SIRT1: variants seen among roughly 807,000 people sequenced by gnomAD.
The protein encoded by SIRT1 is NAD-dependent protein deacetylase sirtuin-1.
Under a neutral mutation model 67.9 loss-of-function variants are expected in SIRT1, and 24 were observed. That is an observed-to-expected ratio of 0.35 (90% CI 0.26 to 0.50). The LOEUF (loss-of-function observed/expected upper bound fraction) is 0.50. SIRT1 is among the 20% of genes least tolerant of loss of function. SIRT1 has a pLI of 0.98. For synonymous variants in SIRT1, 378 were observed against 350.7 expected, an observed-to-expected ratio of 1.08 and a Z score of -0.87; for missense variants, 873 against 937.2, an observed-to-expected ratio of 0.93 and a Z score of 0.89.
At chr10:67,908,360 G>A (rs920777869) in intron 6 of SIRT1, among the ~76,000 whole-genome samples, 3 of 152,132 alleles carry the variant, frequency 2.0e-5, no homozygotes, top group Non-Finnish European at 4.4e-5. Context: ...TATCTAAGCC[G>A]AACATAAAAT....
intron 4 of SIRT1, among the ~76,000 whole-genome samples, chr10:67,904,734 T>G (rs932906005): frequency 6.6e-6 from 1 of 151,968 alleles, no homozygotes; most frequent in South Asian, 2.1e-4. Context: ...ATCCCAGCTA[T>G]TCAGGAAGCT....
chr10:67,912,792 C>A lies in SIRT1; in HGVS notation c.1676C>A (p.Ala559Glu). The change falls in exon 8 of 9, where the codon GCA becomes GAA. Residue 559 changes from alanine (A) to glutamate (E), a missense_variant. Coordinates refer to ENST00000212015, the MANE Select transcript of SIRT1 (RefSeq NM_012238.5). ...GTGATTGTCACACTTTTAGACCAAG[C>A]AGCTAAGAGTAATGATGATTTAGAT... ...SSVIVTLLDQ[A>E]AKSNDDLDVS... The A allele has an allele frequency of 6.2e-7, 1 of 1,614,064 alleles. No homozygotes were observed. Among genetic ancestry groups the A allele is most frequent in the Non-Finnish European group, 8.5e-7 (1 of 1,180,020 alleles).
chr10:67,904,123 G>GTTTTT (rs1262495636), intron 4 of SIRT1, among the ~76,000 whole-genome samples: 3 of 115,446 alleles, frequency 2.6e-5, no homozygotes, highest in African/African-American at 3.6e-5. Context: ...AGTTTTTTTT[G>GTTTTT]TTTGTTTTTT....
rs1299710483 is a variant in SIRT1, at chr10:67,887,540, C to T, written c.547+7C>T. ...ACTCCAAGGCCACGGATAGGTATGG[C>T]TCAGAGCTGTTAATTTTAGAGAGTA... On this transcript the variant is annotated splice_region_variant and intron_variant, in intron 2 of 8. Coordinates refer to ENST00000212015, the MANE Select transcript of SIRT1 (RefSeq NM_012238.5). 5 of 1,544,028 alleles carry T rather than the reference C, an allele frequency of 3.2e-6. No homozygotes were observed. Among genetic ancestry groups the T allele is most frequent in the Middle Eastern group, 1.7e-4 (1 of 5,946 alleles).
intron 7 of SIRT1, among the ~76,000 whole-genome samples, chr10:67,911,042 T>A (rs1434195869): frequency 6.6e-6 from 1 of 152,242 alleles, no homozygotes; most frequent in Admixed American, 6.5e-5. Flanking sequence ...CTTTAGCAGT[T>A]AACTCAGTCT....
At chr10:67,895,226 C>T (rs1842634968) in intron 4 of SIRT1, among the ~76,000 whole-genome samples, 1 of 152,112 alleles carries the variant, frequency 6.6e-6, no homozygotes, top group South Asian at 2.1e-4. Flanking sequence ...TCAAGACCAG[C>T]CTGGCCAACA....
chr10:67,913,595 T>C (rs748549674), intron 8 of SIRT1, among the ~76,000 whole-genome samples: 30 of 152,236 alleles, frequency 2.0e-4, no homozygotes, highest in Admixed American at 1.3e-4. Context: ...AGGAATAGTT[T>C]CTACCCTGTT....
At chr10:67,885,377 C>T in intron 1 of SIRT1, 7 of 1,231,256 alleles carry the variant, frequency 5.7e-6, no homozygotes, top group Non-Finnish European at 7.1e-6. Flanking sequence ...CCTGGGCGGC[C>T]TTGTTCTTTC....
In SIRT1 at chr10:67,909,401, T is replaced by C; in HGVS notation, c.1316T>C (p.Ile439Thr). 3 of 1,613,008 alleles carry C rather than the reference T, an allele frequency of 1.9e-6. No individual in the cohort carries two copies. The highest frequency in any genetic ancestry group is 1.7e-6 in the Non-Finnish European group (2 of 1,179,788). ...GATGAAGTTGACCTCCTCATTGTTA[T>C]TGGGTCTTCCCTCAAAGTAAGACCA... ...DKDEVDLLIV[I>T]GSSLKVRPVA... The change falls in exon 7 of 9, where the codon ATT (isoleucine) becomes ACT (threonine). Residue 439 changes from isoleucine to threonine, a missense_variant. Ile to Thr is a moderately conservative substitution (Grantham distance 89). Around this residue, in one of 3 missense-constraint regions of SIRT1, gnomAD observed 251 missense variants for 358.8 expected, o/e 0.70. Transcript: ENST00000212015.
At chr10:67,886,006 C>T (rs1441694857) in intron 1 of SIRT1, among the ~76,000 whole-genome samples, 1 of 128,894 alleles carries the variant, frequency 7.8e-6, no homozygotes, top group Non-Finnish European at 1.5e-5. Context: ...AGTGCAGTGG[C>T]GCGATCTCGG....
At chr10:67,893,025 G>T (rs999800143) in intron 4 of SIRT1, among the ~76,000 whole-genome samples, 3 of 152,210 alleles carry the variant, frequency 2.0e-5, no homozygotes, top group African/African-American at 7.2e-5. Flanking sequence ...ATTCTCAAGA[G>T]ATTGAGTCAT....
rs960107139 is a variant in SIRT1 at position 67,885,304 on chromosome 10, G to T, written c.430+153G>T. On this transcript the variant is annotated intron_variant, in intron 1 of 8. Coordinates refer to ENST00000212015, the MANE Select transcript of SIRT1 (RefSeq NM_012238.5). ...CCCTCCGTTCAGCCGCGCTCCTCCG[G>T]GGCTGCGGTTCCTACTGCGCGAGCT... 24 of 1,240,914 alleles carry T rather than the reference G, an allele frequency of 1.9e-5. No individual in the cohort carries two copies. In the African/African-American group the frequency reaches 3.6e-4, roughly 18 times the overall value. 76.9% of individuals were successfully genotyped at this position (1,240,914 alleles called of 1,614,324 possible).
intron 8 of SIRT1, among the ~76,000 whole-genome samples, chr10:67,915,129 C>T (rs1204315725): frequency 6.6e-6 from 1 of 151,962 alleles, no homozygotes; most frequent in Non-Finnish European, 1.5e-5. Flanking sequence ...TTTAGGGATT[C>T]AGGTCAGAGT....
intron 1 of SIRT1, chr10:67,885,354 C>T (rs1169387566): frequency 1.1e-5 from 14 of 1,234,178 alleles, no homozygotes; most frequent in African/African-American, 1.6e-5. Flanking sequence ...TCTTTTCCTC[C>T]GTCCGTGGCC....
intron 2 of SIRT1, 73 bp downstream of exon 2, chr10:67,887,606 C>A: frequency 9.6e-7 from 1 of 1,040,924 alleles, no homozygotes; most frequent in Non-Finnish European, 1.5e-6. Context: ...GACAGAGTTT[C>A]GCTCTTGTTG....
Position 67,916,282 on chromosome 10 carries a change from T to C in SIRT1, c.1933T>C (p.Leu645=), listed in dbSNP as rs1241442067. The C allele has an allele frequency of 1.3e-6, 2 of 1,599,260 alleles. No individual in the cohort carries two copies. Among genetic ancestry groups the C allele is most frequent in the African/African-American group, 1.3e-5 (1 of 74,636 alleles). ...TATTTCAGGTAATCAGTATCTGTTT[T>C]TGCCACCAAATCGTTACATTTTCCA... The part of the protein sequence containing the change: ...RRLDGNQYLF[L]PPNRYIFHGA... Residue 645 remains leucine, a synonymous_variant, in exon 9 of 9, where the codon TTG becomes CTG. Transcript: ENST00000212015.
At chr10:67,896,421 G>T (rs1392721006) in intron 4 of SIRT1, among the ~76,000 whole-genome samples, 1 of 152,208 alleles carries the variant, frequency 6.6e-6, no homozygotes, top group Non-Finnish European at 1.5e-5. Context: ...CGGGATTGTA[G>T]GCATAGGCCA....
chr10:67,908,041 T>C lies in SIRT1; in HGVS notation c.1091-5T>C. ...ATAAAGCATATATATGTTGTTTGTT[T>C]TTAGGTTCCTTTGCAACAGCATCTT... On this transcript the variant is annotated splice_region_variant and splice_polypyrimidine_tract_variant and intron_variant, in intron 5 of 8. Coordinates refer to ENST00000212015, the MANE Select transcript of SIRT1 (RefSeq NM_012238.5). 1 of 1,611,584 alleles carries C rather than the reference T, an allele frequency of 6.2e-7. No homozygotes were observed. The highest frequency in any genetic ancestry group is 8.5e-7 in the Non-Finnish European group (1 of 1,178,312).
In SIRT1 at chr10:67,887,606, C is replaced by T. The variant is rs538091316; in HGVS notation, c.547+73C>T. ...GTTTGTTTGTTTTGAGACAGAGTTTCGCTCTTGTTGCGGAGGCTGGAGTGC... is the reference window on the plus strand; with the variant it reads ...GTTTGTTTGTTTTGAGACAGAGTTTTGCTCTTGTTGCGGAGGCTGGAGTGC... On this transcript the variant is annotated intron_variant, in intron 2 of 8. Transcript: ENST00000212015. 14 of 1,040,936 alleles carry T rather than the reference C, an allele frequency of 1.3e-5. No individual in the cohort carries two copies. In the East Asian group the frequency reaches 2.3e-4, roughly 17 times the overall value. 64.5% of individuals were successfully genotyped at this position (1,040,936 alleles called of 1,614,324 possible).
Sources: allele counts gnomAD v4.1 joint callset (sites outside exome capture counted in the v4.1 genomes callset), GRCh38; gene constraint gnomAD v4.1.1; regional missense constraint gnomAD v4.1.1; transcripts MANE v1.5; gene names NCBI Gene and HGNC (gene_info 2026-07-23, HGNC 2026-07-21).